Variants in CNOT10 observed in about 807,000 individuals in gnomAD.
CNOT10 encodes the protein CCR4-NOT transcription complex, subunit 10.
A neutral mutation model predicts 94.6 loss-of-function variants in CNOT10; 30 were observed. The ratio of observed to expected loss-of-function variants is 0.32; its 90% CI spans 0.24 to 0.43. CNOT10 has a LOEUF of 0.43. Ranked by LOEUF, CNOT10 falls within the 20% of genes least tolerant of loss-of-function variation. The pLI is 1.00. For synonymous variants in CNOT10, 289 were observed against 301.6 expected, an observed-to-expected ratio of 0.96 and a Z score of 0.43; for missense variants, 759 against 877.2, an observed-to-expected ratio of 0.87 and a Z score of 1.70.
intron 13 of CNOT10, among the ~76,000 whole-genome samples, chr3:32,747,817 G>A (rs562354558): frequency 2.0e-5 from 3 of 152,198 alleles, no homozygotes; most frequent in Admixed American, 6.5e-5. Context: ...GCGTAGTGGC[G>A]CGCCCATGTA....
chr3:32,727,547 CTCAGA>C, intron 9 of CNOT10, 116 bp from the exon 10 acceptor site: 1 of 678,276 alleles, frequency 1.5e-6, no homozygotes, highest in East Asian at 2.8e-5. Flanking sequence ...GCTATTAAAA[CTCAGA>C]TCAGGATTAT....
chr3:32,685,258 A>AGCTGTT lies in CNOT10; in HGVS notation c.-193_-188dup. The AGCTGTT allele has an allele frequency of 1.8e-6, 1 of 550,394 alleles. No homozygotes were observed. The allele number at this position is 550,394 out of a possible 1,614,324, so 34.1% of individuals were successfully genotyped here. ...GGCTGTGGCGGTCCCTTGGTGGGGA[A>AGCTGTT]GCTGTTGCTGTTGCTAGACGACGGG... On this transcript the variant is annotated 5_prime_UTR_variant, in exon 1 of 19. Transcript: ENST00000328834.
intron 7 of CNOT10, among the ~76,000 whole-genome samples, chr3:32,718,904 C>G (rs149031103): frequency 0.022 from 3,348 of 152,216 alleles, 49 homozygotes; most frequent in East Asian, 0.047. Context: ...CACCTGAGGT[C>G]AGGAGTTTGA....
At position 32,737,544 on chromosome 3, in the gene CNOT10, G is replaced by C. The variant is rs1023886027; in HGVS notation, c.1595+54G>C. 2.5e-6 allele frequency: 3 copies of C among 1,188,752 alleles called. No individual in the cohort carries two copies. The East Asian group carries it at 7.2e-5, about 28-fold the overall frequency. 73.6% of individuals were successfully genotyped at this position (1,188,752 alleles called of 1,614,324 possible). ...ATCTATTGAAATGAACATATTCATG[G>C]CTGGGCACAGTGGCTCATACCTCTA... is the stretch of plus-strand genomic sequence containing the variant. On this transcript the variant is annotated intron_variant, in intron 13 of 18. Transcript: ENST00000328834.
rs367587201 is a variant in CNOT10, at chr3:32,769,889, G to A, written c.2007G>A (p.Ala669=). 1.9e-5 allele frequency: 31 copies of A among 1,613,472 alleles called. No individual in the cohort carries two copies. The highest frequency in any genetic ancestry group is 4.4e-5 in the South Asian group (4 of 91,078). Residue 669 remains alanine, a splice_region_variant and synonymous_variant, in exon 18 of 19, where the codon GCG becomes GCA. Coordinates refer to ENST00000328834, the MANE Select transcript of CNOT10 (RefSeq NM_015442.3). ...GCATCTTTCTGTTTTGAGCAAAGGCGGCTTCAATGATCCATCCTAAAGAGG... is the reference window on the plus strand; with the variant it reads ...GCATCTTTCTGTTTTGAGCAAAGGCAGCTTCAATGATCCATCCTAAAGAGG... ...YDKARKCLHQ[A]ASMIHPKEVP...
chr3:32,735,344 C>T (rs1559500768), intron 12 of CNOT10, among the ~76,000 whole-genome samples: 1 of 151,004 alleles, frequency 6.6e-6, no homozygotes, highest in Non-Finnish European at 1.5e-5. Flanking sequence ...GACTTCATCT[C>T]AAAAAAGAAA....
intron 4 of CNOT10, among the ~76,000 whole-genome samples, chr3:32,709,272 A>T (rs1342888545): frequency 6.6e-6 from 1 of 152,230 alleles, no homozygotes; most frequent in African/African-American, 2.4e-5. Flanking sequence ...TTAGCTTACT[A>T]ACCTCAAGTA....
chr3:32,712,537 T>C (rs1174846478), intron 4 of CNOT10, among the ~76,000 whole-genome samples: 2 of 152,150 alleles, frequency 1.3e-5, no homozygotes, highest in African/African-American at 2.4e-5. Flanking sequence ...TTGAGCATCA[T>C]TGGTGCTCAA....
chr3:32,724,839 A>G (rs112432400), intron 8 of CNOT10, among the ~76,000 whole-genome samples: 9,301 of 151,522 alleles, frequency 0.061, 327 homozygotes, highest in African/African-American at 0.091. Context: ...GATTACAGGC[A>G]TGAGCCATCG....
rs6783484 is a variant in CNOT10, at chr3:32,758,626, G to A, written c.1596-832G>A. Among the ~76,000 whole-genome samples the A allele has an allele frequency of 9.6e-3, 1,465 of 152,222 alleles. 28 individuals carry two copies. Among genetic ancestry groups the A allele is most frequent in the African/African-American group, 0.033 (1,383 of 41,540 alleles). ...CCTGTATCTGAGTGAGGTCATTTGT[G>A]GTTAGCCATTCAGACTTCATTTCTA... On this transcript the variant is annotated intron_variant, in intron 13 of 18. Coordinates refer to ENST00000328834, the MANE Select transcript of CNOT10 (RefSeq NM_015442.3).
chr3:32,685,378 G>A lies in CNOT10; in HGVS notation c.-83G>A. 2 of 1,502,386 alleles carry A rather than the reference G, an allele frequency of 1.3e-6. No individual in the cohort carries two copies. The highest frequency in any genetic ancestry group is 1.8e-6 in the Non-Finnish European group (2 of 1,104,118). 93.1% of individuals were successfully genotyped at this position (1,502,386 alleles called of 1,614,324 possible). ...CCGGGGTAGGCACAGAGTTGTCCTC[G>A]GAGGTCCAGGACAGCGGCCAGCCCG... On this transcript the variant is annotated 5_prime_UTR_variant, in exon 1 of 19. Transcript: ENST00000328834.
chr3:32,687,452 G>GTT lies in CNOT10; in HGVS notation c.22+1986_22+1987dup, dbSNP rs56091219. 5.8e-4 allele frequency among the ~76,000 whole-genome samples: 35 copies of GTT among 60,422 alleles called. 4 individuals carry two copies. The highest frequency in any genetic ancestry group is 2.9e-3 in the Admixed American group (10 of 3,426). The allele number at this position is 60,422 out of a possible 152,430, so 39.6% of individuals were successfully genotyped here. The stretch of plus-strand genomic sequence containing the variant: ...TAAGTCCTCACGGTTTTTTTTTTTT[G>GTT]TTTTTTTTTTTTTTTTTGAGACGGA... On this transcript the variant is annotated intron_variant, in intron 1 of 18. Transcript: ENST00000328834.
Position 32,703,946 on chromosome 3 carries a change from C to T in CNOT10, c.101C>T (p.Ala34Val). The change falls in exon 2 of 19, where the codon GCT becomes GTT. Residue 34 changes from alanine to valine, a missense_variant. Coordinates refer to ENST00000328834, the MANE Select transcript of CNOT10 (RefSeq NM_015442.3). The stretch of plus-strand genomic sequence containing the variant: ...CAAGAGAAGGAGTTATCCACCAATG[C>T]TTTCCAAGCTTTCACAGTAAGAAAT... ...TDQEKELSTN[A>V]FQAFTSGNYD... 1 of 1,610,680 alleles carries T rather than the reference C, an allele frequency of 6.2e-7. No homozygotes were observed. Among genetic ancestry groups the T allele is most frequent in the Non-Finnish European group, 8.5e-7 (1 of 1,176,966 alleles).
At position 32,753,612 on chromosome 3, in the gene CNOT10, C is replaced by T. The variant is rs1700061019; in HGVS notation, c.1596-5846C>T. ...GAGATGTGCCTACACCAAAACAATTCATAGCAGGTGTAAAGCACCTACATC... is the reference window on the plus strand; with the variant it reads ...GAGATGTGCCTACACCAAAACAATTTATAGCAGGTGTAAAGCACCTACATC... On this transcript the variant is annotated intron_variant, in intron 13 of 18. Coordinates refer to ENST00000328834, the MANE Select transcript of CNOT10 (RefSeq NM_015442.3). 14 of 1,578,078 alleles carry T rather than the reference C, an allele frequency of 8.9e-6. No homozygotes were observed. In the South Asian group the frequency reaches 1.1e-4, roughly 12 times the overall value.
rs529423159 is a variant in CNOT10, at chr3:32,741,768, C to CAAAAAAAAAAAA, written c.1595+4282_1595+4293dup. On this transcript the variant is annotated intron_variant, in intron 13 of 18. Coordinates refer to ENST00000328834, the MANE Select transcript of CNOT10 (RefSeq NM_015442.3). ...TGGGCGACAGAGCGAGACTCCGTCT[C>CAAAAAAAAAAAA]AAAAAAAAAAAAAAACAGAAGAAAA... is the stretch of plus-strand genomic sequence containing the variant. Among the ~76,000 whole-genome samples the CAAAAAAAAAAAA allele has an allele frequency of 1.7e-3, 148 of 86,522 alleles. 1 individual carries two copies. The highest frequency in any genetic ancestry group is 6.1e-3 in the African/African-American group (137 of 22,458). The allele number at this position is 86,522 out of a possible 152,430, so 56.8% of individuals were successfully genotyped here. A position where few individuals can be genotyped will look rare whatever the true frequency, so the allele number is the denominator to read the frequency against.
At position 32,733,545 on chromosome 3, in the gene CNOT10, G is replaced by T; in HGVS notation, c.1337+1G>T. 6.5e-7 allele frequency: 1 copy of T among 1,537,404 alleles called. No homozygotes were observed. The highest frequency in any genetic ancestry group is 8.8e-7 in the Non-Finnish European group (1 of 1,135,868). ...AGTCTATACAGAATACTGTTTATAA[G>T]TAAGTATTTTGCAAAGAAAAAGTGT... On this transcript the variant is annotated splice_donor_variant, in intron 11 of 18. Transcript: ENST00000328834. LOFTEE classifies it high-confidence loss of function.
intron 15 of CNOT10, among the ~76,000 whole-genome samples, chr3:32,763,747 G>A (rs532742437): frequency 6.6e-6 from 1 of 152,240 alleles, no homozygotes; most frequent in East Asian, 1.9e-4. Flanking sequence ...TAGCATTCTG[G>A]CATTTTTTAA....
At chr3:32,702,479 C>T (rs899277081) in intron 1 of CNOT10, among the ~76,000 whole-genome samples, 1 of 152,072 alleles carries the variant, frequency 6.6e-6, no homozygotes, top group Admixed American at 6.6e-5. Context: ...GATTATTAAC[C>T]TTTACTGTGA....
intron 13 of CNOT10, among the ~76,000 whole-genome samples, chr3:32,743,559 A>G (rs1699568157): frequency 6.6e-6 from 1 of 152,104 alleles, no homozygotes; most frequent in Non-Finnish European, 1.5e-5. Context: ...GCTTGAACCC[A>G]GAAGGCAGAG....
Sources: allele counts gnomAD v4.1 joint callset (sites outside exome capture counted in the v4.1 genomes callset), GRCh38; gene constraint gnomAD v4.1.1; transcripts MANE v1.5; gene names NCBI Gene and HGNC (gene_info 2026-07-23, HGNC 2026-07-21).